CFAP300: variants seen among roughly 807,000 people sequenced by gnomAD.
CFAP300 encodes cilia and flagella associated protein 300.
Under a neutral mutation model 33.0 loss-of-function variants are expected in CFAP300, and 32 were observed. The ratio of observed to expected loss-of-function variants is 0.97; its 90% confidence interval spans 0.73 to 1.30. CFAP300 has a LOEUF of 1.30. Ranked by LOEUF, CFAP300 falls within the 50% of genes most tolerant of loss-of-function variation. CFAP300 has a pLI of 0.00. For missense variants in CFAP300, 356 were observed against 318.1 expected (o/e 1.12, Z -0.90); for synonymous variants, 102 against 106.8 (o/e 0.95, Z 0.28).
chr11:102,059,281 ATGTGTGTGTGTGTGTGTGTG>A lies in CFAP300; in HGVS notation c.268+348_268+367del, dbSNP rs55657614. ...TACTAAATGAACTTGATATGTTAAAATGTGTGTGTGTGTGTGTGTGTGTGTGTGTGTGTGTGTGTGTATGT... is the reference window on the plus strand; with the variant it reads ...TACTAAATGAACTTGATATGTTAAAATGTGTGTGTGTGTGTGTGTGTATGT... On this transcript the variant is annotated intron_variant, in intron 3 of 6. Transcript: ENST00000434758. 0.018 allele frequency among the ~76,000 whole-genome samples: 2,688 copies of A among 148,664 alleles called. 201 individuals are homozygous for A. The East Asian group carries it at 0.23, about 13-fold the overall frequency.
chr11:102,075,115 A>G (rs183020303), intron 4 of CFAP300, among the ~76,000 whole-genome samples: 152 of 152,348 alleles, frequency 1.0e-3, no homozygotes, highest in Admixed American at 9.1e-3. Context: ...TAAAAAAAGA[A>G]AAAATAAAGT....
At chr11:102,066,360 A>G in intron 3 of CFAP300, 125 bp from the exon 4 acceptor site, 1 of 561,606 alleles carries the variant, frequency 1.8e-6, no homozygotes, top group East Asian at 3.2e-5. Context: ...ATATATTTTA[A>G]ATATATCAAA....
intron 2 of CFAP300, among the ~76,000 whole-genome samples, chr11:102,054,424 G>A (rs1942018127): frequency 6.6e-6 from 1 of 151,936 alleles, no homozygotes; most frequent in African/African-American, 2.4e-5. Flanking sequence ...CAGATAGAGA[G>A]GAATGAGAAG....
chr11:102,076,575 T>C (rs1942398160), intron 5 of CFAP300, among the ~76,000 whole-genome samples: 1 of 152,360 alleles, frequency 6.6e-6, no homozygotes, highest in South Asian at 2.1e-4. Context: ...AATTTCTTAT[T>C]TGTACCTTTC....
rs1371871243 is a variant in CFAP300 at position 102,083,364 on chromosome 11, T to C, written c.*165T>C. ...ACCAAGATGCCTTTTTAAAAATTTG[T>C]GTGGAATACTAACCGGGGATCAAAT... is the stretch of plus-strand genomic sequence containing the variant. On this transcript the variant is annotated 3_prime_UTR_variant, in exon 7 of 7. Coordinates refer to ENST00000434758, the MANE Select transcript of CFAP300 (RefSeq NM_032930.3). 2.5e-6 allele frequency: 1 copy of C among 402,754 alleles called. No individual in the cohort carries two copies. The highest frequency in any genetic ancestry group is 4.5e-5 in the East Asian group (1 of 22,398). The allele number at this position is 402,754 out of a possible 1,614,324, so 24.9% of individuals were successfully genotyped here.
At chr11:102,067,330 C>T (rs192597236) in intron 4 of CFAP300, among the ~76,000 whole-genome samples, 97 of 152,258 alleles carry the variant, frequency 6.4e-4, no homozygotes, top group Non-Finnish European at 1.2e-3. Context: ...TGCACTCCAA[C>T]CTGGGCGACA....
rs144446137 is a variant in CFAP300 at position 102,063,232 on chromosome 11, A to G, written c.269-3253A>G. ...TCGGTGGGTCCAGAGGCAGAGTATC[A>G]AACCAAAGAAGATTATCCTTGAGCA... is the stretch of plus-strand genomic sequence containing the variant. On this transcript the variant is annotated intron_variant, in intron 3 of 6. Coordinates refer to ENST00000434758, the MANE Select transcript of CFAP300 (RefSeq NM_032930.3). Among the ~76,000 whole-genome samples the G allele has an allele frequency of 6.0e-3, 919 of 152,358 alleles. 7 individuals carry two copies. The highest frequency in any genetic ancestry group is 0.014 in the Middle Eastern group (4 of 294).
chr11:102,048,793 A>G (rs2135007911), intron 2 of CFAP300, among the ~76,000 whole-genome samples: 1 of 150,804 alleles, frequency 6.6e-6, no homozygotes, highest in African/African-American at 2.4e-5. Flanking sequence ...AATTTAGTCC[A>G]TTATTTTCAA....
chr11:102,059,319 G>GTGTA (rs1383670527), intron 3 of CFAP300, among the ~76,000 whole-genome samples: 14 of 148,358 alleles, frequency 9.4e-5, no homozygotes, highest in Non-Finnish European at 2.1e-4. Context: ...GTGTGTGTGT[G>GTGTA]TGTATGTACT....
At chr11:102,050,226 T>C (rs1046562220) in intron 2 of CFAP300, among the ~76,000 whole-genome samples, 1 of 152,228 alleles carries the variant, frequency 6.6e-6, no homozygotes, top group Non-Finnish European at 1.5e-5. Flanking sequence ...CTTTTTATAT[T>C]ATGTTTATCA....
intron 2 of CFAP300, among the ~76,000 whole-genome samples, chr11:102,048,322 A>G (rs564368703): frequency 3.9e-5 from 6 of 152,118 alleles, no homozygotes; most frequent in Admixed American, 3.9e-4. Flanking sequence ...TGCAGCCTGG[A>G]CCTCCCGGGC....
intron 6 of CFAP300, among the ~76,000 whole-genome samples, chr11:102,082,256 A>G (rs1270118739): frequency 6.6e-6 from 1 of 151,996 alleles, no homozygotes; most frequent in Non-Finnish European, 1.5e-5. Flanking sequence ...GACGCCTGTA[A>G]TCCCAGCTAC....
At chr11:102,075,392 C>T (rs755313258) in intron 4 of CFAP300, among the ~76,000 whole-genome samples, 1 of 152,004 alleles carries the variant, frequency 6.6e-6, no homozygotes, top group Non-Finnish European at 1.5e-5. Context: ...GGCTCCAGCA[C>T]CTGAATGGTT....
At chr11:102,071,862 C>G (rs1942317472) in intron 4 of CFAP300, among the ~76,000 whole-genome samples, 1 of 152,082 alleles carries the variant, frequency 6.6e-6, no homozygotes, top group Non-Finnish European at 1.5e-5. Context: ...TGTGGCTAGA[C>G]ACTTTTCTCT....
chr11:102,052,358 T>C (rs966202280), intron 2 of CFAP300, among the ~76,000 whole-genome samples: 3 of 152,356 alleles, frequency 2.0e-5, no homozygotes, highest in East Asian at 3.9e-4. Context: ...AGTTTATGTA[T>C]CTTTTTCAAA....
At chr11:102,065,803 A>G (rs1302954636) in intron 3 of CFAP300, among the ~76,000 whole-genome samples, 4 of 152,128 alleles carry the variant, frequency 2.6e-5, no homozygotes, top group Non-Finnish European at 5.9e-5. Context: ...AGCATTAAGC[A>G]TAATAGGAAT....
chr11:102,047,591 G>T lies in CFAP300; in HGVS notation c.110+11G>T. The T allele has an allele frequency of 6.5e-7, 1 of 1,534,100 alleles. No homozygotes were observed. Among genetic ancestry groups the T allele is most frequent in the Non-Finnish European group, 8.7e-7 (1 of 1,145,040 alleles). On this transcript the variant is annotated intron_variant, in intron 1 of 6. Transcript: ENST00000434758. The stretch of plus-strand genomic sequence containing the variant: ...CCGGCTCCGCCAGTGGTGAGGAACC[G>T]AGGCACAGGGAGAGAAGAGGCCCTT...
rs184961319 is a variant in CFAP300 at position 102,082,557 on chromosome 11, A to G, written c.676-514A>G. ...AGTATAGTACATATGTATTCCTATC[A>G]TAGTAGACTGTGCTGTCCATAAATA... On this transcript the variant is annotated intron_variant, in intron 6 of 6. Transcript: ENST00000434758. 2.5e-3 allele frequency among the ~76,000 whole-genome samples: 387 copies of G among 152,338 alleles called. 1 individual carries two copies. The highest frequency in any genetic ancestry group is 7.7e-3 in the African/African-American group (322 of 41,576).
rs1169264786 is a variant in CFAP300 at position 102,076,051 on chromosome 11, G to A, written c.608+6G>A. ...ATCTATAAGGATCTGGTGAGGTAATGTTGCTAGATCACAATATGTAAATCT... is the reference window on the plus strand; with the variant it reads ...ATCTATAAGGATCTGGTGAGGTAATATTGCTAGATCACAATATGTAAATCT... On this transcript the variant is annotated splice_donor_region_variant and intron_variant, in intron 5 of 6. Coordinates refer to ENST00000434758, the MANE Select transcript of CFAP300 (RefSeq NM_032930.3). 6.2e-7 allele frequency: 1 copy of A among 1,601,866 alleles called. No individual in the cohort carries two copies. Among genetic ancestry groups the A allele is most frequent in the South Asian group, 1.1e-5 (1 of 87,850 alleles).
Sources: allele counts gnomAD v4.1 joint callset (sites outside exome capture counted in the v4.1 genomes callset), GRCh38; gene constraint gnomAD v4.1.1; transcripts MANE v1.5; gene names NCBI Gene and HGNC (gene_info 2026-07-23, HGNC 2026-07-21).